DNAJC15: variants seen among roughly 807,000 people sequenced by gnomAD.
DNAJC15 encodes dnaJ homolog subfamily C member 15.
In DNAJC15, 27 loss-of-function variants were observed where a neutral mutation model predicts 22.4. That is an observed-to-expected ratio of 1.20 (90% confidence interval 0.89 to 1.66). The LOEUF (loss-of-function observed/expected upper bound fraction) is 1.66, where lower values mean the gene tolerates loss of function less well. DNAJC15 is among the 40% of genes most tolerant of loss of function. The probability of loss-of-function intolerance (pLI) is 0.00; values close to 1 mark genes in which losing one functional copy is unlikely to be tolerated. For synonymous variants in DNAJC15, 79 were observed against 63.2 expected, an observed-to-expected ratio of 1.25 and a Z score of -1.19; for missense variants, 208 against 187.1, an observed-to-expected ratio of 1.11 and a Z score of -0.65.
chr13:43,107,105 TTTTATA>T, intron 5 of DNAJC15, 67 bp from the exon 6 acceptor site: 1 of 1,200,288 alleles, frequency 8.3e-7, no homozygotes, highest in Non-Finnish European at 1.1e-6. Context: ...AAAAGAGTAT[TTTTATA>T]TTTTGGGGAC....
chr13:43,048,317 T>A (rs542670543), intron 1 of DNAJC15, among the ~76,000 whole-genome samples: 1,632 of 69,300 alleles, frequency 0.024, 21 homozygotes, highest in Non-Finnish European at 0.035. Flanking sequence ...TCGTCTCTAC[T>A]AAAAATACAA....
chr13:43,099,220 A>G (rs1156697513), intron 5 of DNAJC15, among the ~76,000 whole-genome samples: 2 of 152,150 alleles, frequency 1.3e-5, no homozygotes, highest in African/African-American at 4.8e-5. Context: ...AATACAATTA[A>G]GTTGTATATT....
chr13:43,081,646 G>GC (rs1303360082), intron 4 of DNAJC15, among the ~76,000 whole-genome samples: 1 of 151,862 alleles, frequency 6.6e-6, no homozygotes, highest in African/African-American at 2.4e-5. Context: ...CACCGTGTTA[G>GC]CAGGATGGTC....
At chr13:43,050,446 C>CA (rs58253490) in intron 1 of DNAJC15, among the ~76,000 whole-genome samples, 2,666 of 152,078 alleles carry the variant, frequency 0.018, 94 homozygotes, top group East Asian at 0.12. Flanking sequence ...GCCAGGACTA[C>CA]AGGCACACCC....
At chr13:43,098,120 A>G (rs932822991) in intron 5 of DNAJC15, among the ~76,000 whole-genome samples, 2 of 152,218 alleles carry the variant, frequency 1.3e-5, no homozygotes, top group Non-Finnish European at 2.9e-5. Context: ...TCAAATACTT[A>G]AAATGTGGCA....
At chr13:43,079,495 CTTTA>C (rs1359162826) in intron 4 of DNAJC15, among the ~76,000 whole-genome samples, 3 of 151,998 alleles carry the variant, frequency 2.0e-5, no homozygotes, top group Admixed American at 6.6e-5. Flanking sequence ...TAGTTTGGTG[CTTTA>C]TTTAAGAGAT....
At chr13:43,044,932 A>G (rs151163935) in intron 1 of DNAJC15, among the ~76,000 whole-genome samples, 3 of 152,040 alleles carry the variant, frequency 2.0e-5, no homozygotes, top group African/African-American at 4.8e-5. Context: ...TCTACAATCT[A>G]TTCTCAACAT....
At chr13:43,034,409 G>A (rs1398143457) in intron 1 of DNAJC15, among the ~76,000 whole-genome samples, 16 of 138,032 alleles carry the variant, frequency 1.2e-4, no homozygotes, top group Admixed American at 8.9e-4. Context: ...TCTGCCTCCC[G>A]GGTTCACGCC....
At position 43,112,573 on chromosome 13, in the gene DNAJC15, A is replaced by C. The variant is rs950388339; in HGVS notation, c.*5325A>C. The C allele has an allele frequency of 6.6e-6, 1 of 152,244 alleles. No homozygotes were observed. The highest frequency in any genetic ancestry group is 2.4e-5 in the African/African-American group (1 of 41,476). 9.4% of individuals were successfully genotyped at this position (152,244 alleles called of 1,614,324 possible). ...AAAAGCCAATAATTAGAATAAGTTC[A>C]TTTTAAGAAAAGCATTAATAATATT... On this transcript the variant is annotated 3_prime_UTR_variant, in exon 6 of 6. Coordinates refer to ENST00000379221, the MANE Select transcript of DNAJC15 (RefSeq NM_013238.3).
intron 1 of DNAJC15, among the ~76,000 whole-genome samples, chr13:43,059,385 T>G (rs545177238): frequency 6.6e-6 from 1 of 152,280 alleles, no homozygotes; most frequent in South Asian, 2.1e-4. Context: ...TCTCTTTCTT[T>G]TTTTGGAGAC....
In DNAJC15 at chr13:43,085,828, C is replaced by T. The variant is rs1028746595; in HGVS notation, c.372C>T (p.His124=). The change falls in exon 5 of 6, where the codon CAC becomes CAT. Residue 124 remains histidine (H), a synonymous_variant. Coordinates refer to ENST00000379221, the MANE Select transcript of DNAJC15 (RefSeq NM_013238.3). The part of the protein sequence containing the change: ...TAHRRVMILN[H]PDKGGSPYVA... The stretch of plus-strand genomic sequence containing the variant: ...ATAGGAGAGTCATGATTTTGAATCA[C>T]CCAGATAAAGGTAGGTAGAATTCCT... 8 of 1,612,900 alleles carry T rather than the reference C, an allele frequency of 5.0e-6. No individual in the cohort carries two copies. The Admixed American group carries it at 5.0e-5, about 10-fold the overall frequency.
At chr13:43,092,976 C>T (rs528768432) in intron 5 of DNAJC15, among the ~76,000 whole-genome samples, 5 of 152,334 alleles carry the variant, frequency 3.3e-5, no homozygotes, top group Admixed American at 6.5e-5. Flanking sequence ...TCTTGACTTA[C>T]TACAGTCTGA....
At chr13:43,027,367 G>A (rs2040385163) in intron 1 of DNAJC15, among the ~76,000 whole-genome samples, 1 of 152,104 alleles carries the variant, frequency 6.6e-6, no homozygotes, top group Admixed American at 6.5e-5. Flanking sequence ...AGCCCAGCAT[G>A]CATTAGCTAT....
chr13:43,026,597 A>G (rs933625329), intron 1 of DNAJC15, among the ~76,000 whole-genome samples: 1 of 151,896 alleles, frequency 6.6e-6, no homozygotes, highest in Non-Finnish European at 1.5e-5. Context: ...CAAAAGGTAA[A>G]TATTAGGAAA....
intron 1 of DNAJC15, among the ~76,000 whole-genome samples, chr13:43,037,303 A>G (rs2040433579): frequency 6.6e-6 from 1 of 152,242 alleles, no homozygotes; most frequent in South Asian, 2.1e-4. Flanking sequence ...ATAAGCCGAA[A>G]AAGAGAGTTT....
At chr13:43,085,021 A>G (rs2040680718) in intron 4 of DNAJC15, among the ~76,000 whole-genome samples, 1 of 152,214 alleles carries the variant, frequency 6.6e-6, no homozygotes, top group African/African-American at 2.4e-5. Context: ...CCAAGAGGAT[A>G]AAAATTTGAT....
intron 5 of DNAJC15, among the ~76,000 whole-genome samples, chr13:43,087,653 C>T (rs2040695687): frequency 6.6e-6 from 1 of 152,138 alleles, no homozygotes; most frequent in South Asian, 2.1e-4. Context: ...TCCAGTGCTT[C>T]CGAATTCATG....
intron 5 of DNAJC15, among the ~76,000 whole-genome samples, chr13:43,100,188 GGTTAA>G (rs1051429540): frequency 1.4e-5 from 2 of 147,986 alleles, no homozygotes; most frequent in African/African-American, 4.9e-5. Context: ...TTAGGTTGAA[GGTTAA>G]GTTATTGAAG....
intron 1 of DNAJC15, among the ~76,000 whole-genome samples, chr13:43,033,303 G>A (rs977196671): frequency 1.3e-5 from 2 of 152,128 alleles, no homozygotes; most frequent in African/African-American, 2.4e-5. Flanking sequence ...AGTAGTCTTT[G>A]TTTCTTGTGA....
Sources: gnomAD v4.1 joint callset for allele counts (sites outside exome capture counted in the v4.1 genomes callset) on GRCh38, gnomAD v4.1.1 for gene constraint, MANE v1.5 for transcripts, NCBI Gene and HGNC (gene_info 2026-07-23, HGNC 2026-07-21) for gene names.